Variants in RGS7 observed in about 807,000 individuals in gnomAD.
RGS7 encodes regulator of G-protein signaling 7.
A neutral mutation model predicts 81.1 loss-of-function variants in RGS7; 27 were observed. The ratio of observed to expected loss-of-function variants is 0.33; its 90% CI spans 0.25 to 0.46. RGS7 has a LOEUF of 0.46. Among genes scored for constraint, RGS7 ranks in the 20% least tolerant of loss-of-function variants. The pLI is 1.00. For synonymous variants in RGS7, 208 were observed against 207.7 expected (o/e 1.00, Z -0.01); for missense variants, 396 against 607.4 (o/e 0.65, Z 3.66).
intron 2 of RGS7, among the ~76,000 whole-genome samples, chr1:241,346,286 ATC>A (rs2082891433): frequency 1.2e-5 from 1 of 86,580 alleles, no homozygotes; most frequent in Non-Finnish European, 2.4e-5. Context: ...GGTGCTTGGC[ATC>A]TGTGTTTGCC....
At chr1:241,197,578 G>A (rs1258229972) in intron 2 of RGS7, among the ~76,000 whole-genome samples, 2 of 151,778 alleles carry the variant, frequency 1.3e-5, no homozygotes, top group Admixed American at 6.6e-5. Context: ...TAATCTCAAA[G>A]TAGATGGTAT....
At chr1:241,217,618 C>T (rs537301439) in intron 2 of RGS7, among the ~76,000 whole-genome samples, 16 of 152,234 alleles carry the variant, frequency 1.1e-4, no homozygotes, top group South Asian at 8.3e-4. Context: ...TCTAAATGCA[C>T]GTTTTAGACT....
chr1:240,822,396 C>T (rs571915442), intron 10 of RGS7, among the ~76,000 whole-genome samples: 19 of 152,220 alleles, frequency 1.2e-4, no homozygotes, highest in Non-Finnish European at 2.2e-4. Context: ...CAGCTCTGTA[C>T]GAAAATGAAG....
In RGS7 at chr1:241,211,565, G is replaced by C. The variant is rs371297695; in HGVS notation, c.79-112803C>G. 1.2e-4 allele frequency among the ~76,000 whole-genome samples: 19 copies of C among 152,216 alleles called. No homozygotes were observed. The East Asian group carries it at 1.5e-3, about 12-fold the overall frequency. On this transcript the variant is annotated intron_variant, in intron 2 of 18. Transcript: ENST00000440928. ...ATCACCAAAGACCTAGCATACAGTT[G>C]GTACTCATAAAGGTTGGCTGAATTG...
intron 2 of RGS7, among the ~76,000 whole-genome samples, chr1:241,119,800 T>C (rs1207125565): frequency 6.6e-6 from 1 of 152,194 alleles, no homozygotes; most frequent in African/African-American, 2.4e-5. Context: ...ATACTGTCAG[T>C]TGTTTTCCTT....
At chr1:241,055,826 C>T (rs543470429) in intron 3 of RGS7, among the ~76,000 whole-genome samples, 31 of 152,278 alleles carry the variant, frequency 2.0e-4, no homozygotes, top group African/African-American at 7.2e-4. Context: ...CTGAGGCTAC[C>T]CAGGAGCCCC....
chr1:240,851,006 A>AGCAGCAAGTGTTGATGGAGAAGCT (rs1296206487), intron 9 of RGS7, among the ~76,000 whole-genome samples: 11 of 152,248 alleles, frequency 7.2e-5, no homozygotes, highest in Admixed American at 4.6e-4. Context: ...GCAAGATGGA[A>AGCAGCAAGTGTTGATGGAGAAGCT]GCAGCAAGTG....
intron 3 of RGS7, among the ~76,000 whole-genome samples, chr1:241,004,403 A>T (rs143636564): frequency 6.6e-6 from 1 of 152,348 alleles, no homozygotes; most frequent in East Asian, 1.9e-4. Flanking sequence ...GTCACTCTTA[A>T]GAAACCTATT....
chr1:241,142,949 G>A (rs967785564), intron 2 of RGS7, among the ~76,000 whole-genome samples: 4 of 152,056 alleles, frequency 2.6e-5, no homozygotes, highest in African/African-American at 4.8e-5. Context: ...AATTTCTTCC[G>A]CCAGATACCC....
At chr1:241,135,037 C>G (rs1558115841) in intron 2 of RGS7, among the ~76,000 whole-genome samples, 1 of 152,134 alleles carries the variant, frequency 6.6e-6, no homozygotes, top group African/African-American at 2.4e-5. Flanking sequence ...TGGGACATTT[C>G]CTGTTTACAG....
intron 4 of RGS7, among the ~76,000 whole-genome samples, chr1:240,973,552 A>G (rs1572068405): frequency 6.6e-6 from 1 of 152,160 alleles, no homozygotes; most frequent in African/African-American, 2.4e-5. Flanking sequence ...GAAAAGCATA[A>G]AACACTTTAT....
chr1:241,095,676 T>C (rs1160486572), intron 3 of RGS7, among the ~76,000 whole-genome samples: 5 of 152,068 alleles, frequency 3.3e-5, no homozygotes, highest in Non-Finnish European at 5.9e-5. Flanking sequence ...AAACAAATAA[T>C]GTATGGTGAT....
chr1:241,337,295 G>C (rs1386576821), intron 2 of RGS7, among the ~76,000 whole-genome samples: 1 of 151,874 alleles, frequency 6.6e-6, no homozygotes, highest in African/African-American at 2.4e-5. Context: ...TTTGTTTCTT[G>C]CCCTGACTCA....
At position 240,868,986 on chromosome 1, in the gene RGS7, G is replaced by A. The variant is rs1482342410; in HGVS notation, c.451-134C>T. 2 of 792,890 alleles carry A rather than the reference G, an allele frequency of 2.5e-6. No homozygotes were observed. The highest frequency in any genetic ancestry group is 1.7e-5 in the African/African-American group (1 of 59,232). 49.1% of individuals were successfully genotyped at this position (792,890 alleles called of 1,614,324 possible). A position where few individuals can be genotyped will look rare whatever the true frequency, so the allele number is the denominator to read the frequency against. ...CCCTAAGTGTACTGTGGTTCTCAATGATAAGTCATGCTCCCTGAATTCAGC... is the reference window on the plus strand; with the variant it reads ...CCCTAAGTGTACTGTGGTTCTCAATAATAAGTCATGCTCCCTGAATTCAGC... On this transcript the variant is annotated intron_variant, in intron 7 of 18. Transcript: ENST00000440928. This position sits in a 1 kb window ranked among gnomAD's most constrained non-coding sequence, Gnocchi z 5.1.
rs1357139647 is a variant in RGS7, at chr1:241,009,844, T to C, written c.176-26715A>G. 2.6e-5 allele frequency among the ~76,000 whole-genome samples: 4 copies of C among 152,268 alleles called. No homozygotes were observed. The East Asian group carries it at 7.7e-4, about 29-fold the overall frequency. On this transcript the variant is annotated intron_variant, in intron 3 of 18. Transcript: ENST00000440928. ...AAAGTTCAATAACAAAGCATTAAGT[T>C]GAGATGGTATTTGGGGTAGTACCTA...
chr1:241,221,019 AAGGAAGGAAGGAAGGAAGGAAAAGAAAG>A (rs2074933279), intron 2 of RGS7, among the ~76,000 whole-genome samples: 1 of 111,328 alleles, frequency 9.0e-6, no homozygotes, highest in Non-Finnish European at 2.0e-5. Context: ...GGAAGGAAGG[AAGGAAGGAAGGAAGGAAGGAAAAGAAAG>A]AAAGAAAGAA....
At chr1:240,814,635 C>T (rs1690469772) in intron 12 of RGS7, 81 bp downstream of exon 12, 4 of 876,334 alleles carry the variant, frequency 4.6e-6, no homozygotes, top group Non-Finnish European at 7.7e-6. Flanking sequence ...ACTCCTGTCC[C>T]CACAGTTCTC....
chr1:241,237,882 C>G (rs1222066605), intron 2 of RGS7, among the ~76,000 whole-genome samples: 1 of 152,190 alleles, frequency 6.6e-6, no homozygotes, highest in African/African-American at 2.4e-5. Context: ...GAAATCTTTT[C>G]TTGGGTTCCT....
At chr1:241,350,047 A>C (rs2083139084) in intron 2 of RGS7, among the ~76,000 whole-genome samples, 2 of 152,214 alleles carry the variant, frequency 1.3e-5, no homozygotes, top group African/African-American at 4.8e-5. Flanking sequence ...GAAATAAAAG[A>C]AATAAAATTC....
Sources: gnomAD v4.1 joint callset for allele counts (sites outside exome capture counted in the v4.1 genomes callset) on GRCh38, gnomAD v4.1.1 for gene constraint, Gnocchi (gnomAD v3.1) non-coding constraint, MANE v1.5 for transcripts, NCBI Gene and HGNC (gene_info 2026-07-23, HGNC 2026-07-21) for gene names.